PCBP2: variants seen among roughly 807,000 people sequenced by gnomAD.
PCBP2 encodes the protein poly(rC)-binding protein 2.
In PCBP2, 4 loss-of-function variants were observed where a neutral mutation model predicts 50.1. The ratio of observed to expected loss-of-function variants is 0.08; its 90% confidence interval spans 0.04 to 0.18. PCBP2 has a LOEUF of 0.18. Ranked by LOEUF, PCBP2 falls within the 10% of genes least tolerant of loss-of-function variation. The pLI is 1.00. For missense variants in PCBP2, 161 were observed against 474.3 expected, an observed-to-expected ratio of 0.34 and a Z score of 6.14; for synonymous variants, 179 against 168.0, an observed-to-expected ratio of 1.07 and a Z score of -0.51.
At chr12:53,464,971 A>T in intron 9 of PCBP2, 119 bp downstream of exon 9, 1 of 1,321,026 alleles carries the variant, frequency 7.6e-7, no homozygotes, top group Non-Finnish European at 9.8e-7. Flanking sequence ...CCACCTGTCC[A>T]CGGGGACCTG....
chr12:53,470,417 T>C (rs2264356), intron 13 of PCBP2, among the ~76,000 whole-genome samples: 144 of 150,258 alleles, frequency 9.6e-4, no homozygotes, highest in Middle Eastern at 6.8e-3. Context: ...AGTGGCTTTT[T>C]TTTTTGACAA....
chr12:53,468,936 TA>T, intron 13 of PCBP2, 104 bp downstream of exon 13: 3 of 852,404 alleles, frequency 3.5e-6, no homozygotes, highest in Middle Eastern at 3.4e-4. Flanking sequence ...TTTTTTTTTT[TA>T]AACAGCCCAG....
At chr12:53,472,217 T>C (rs1942293396) in intron 14 of PCBP2, among the ~76,000 whole-genome samples, 2 of 152,210 alleles carry the variant, frequency 1.3e-5, no homozygotes, top group African/African-American at 2.4e-5. Context: ...ATTGGAGTAA[T>C]AGGACAGCAA....
At chr12:53,465,017 G>C (rs750306371) in intron 9 of PCBP2, 165 bp downstream of exon 9, 5 of 795,094 alleles carry the variant, frequency 6.3e-6, no homozygotes, top group Non-Finnish European at 8.7e-6. Context: ...CCCAGGCCGC[G>C]TAGCCCACCA....
In PCBP2 at chr12:53,454,754, C is replaced by G; in HGVS notation, c.-47C>G. 1 of 1,557,030 alleles carries G rather than the reference C, an allele frequency of 6.4e-7. No individual in the cohort carries two copies. Among genetic ancestry groups the G allele is most frequent in the Non-Finnish European group, 8.9e-7 (1 of 1,128,490 alleles). On this transcript the variant is annotated 5_prime_UTR_variant, in exon 2 of 15. Transcript: ENST00000546463. ...TTGGCTTTCACCCCCAACCAGTGAC[C>G]AAAGACTTGACCACTCAAAGTCCAG...
At position 53,467,199 on chromosome 12, in the gene PCBP2, A is replaced by G. The variant is rs7980433; in HGVS notation, c.715-22A>G. The G allele has an allele frequency of 5.2e-4, 829 of 1,600,400 alleles. 4 individuals carry two copies. The African/African-American group carries it at 0.01, about 20-fold the overall frequency. On this transcript the variant is annotated intron_variant, in intron 10 of 14. Transcript: ENST00000546463. ...GGCTCTGTTAAATCTTCTAATGCCA[A>G]CCTCCTGTTTCCTCCTTGCAGTTGA...
intron 14 of PCBP2, chr12:53,475,539 G>T: frequency 2.5e-5 from 4 of 157,628 alleles, no homozygotes; most frequent in South Asian, 1.7e-4. Context: ...AATAAAAGCT[G>T]CTTCGTTAAC....
In PCBP2 at chr12:53,481,123, A is replaced by G. The variant is rs999862149; in HGVS notation, c.*1681A>G. On this transcript the variant is annotated 3_prime_UTR_variant, in exon 15 of 15. Coordinates refer to ENST00000546463, the MANE Select transcript of PCBP2 (RefSeq NM_031989.5). Reference sequence around the variant, plus strand: ...TTATGTGGCGCATATATATATATATATGTATATATATATAATTTATATAAA... The same window carrying G: ...TTATGTGGCGCATATATATATATATGTGTATATATATATAATTTATATAAA... 5 of 610,170 alleles carry G rather than the reference A, an allele frequency of 8.2e-6. No individual in the cohort carries two copies. Among genetic ancestry groups the G allele is most frequent in the African/African-American group, 4.0e-5 (2 of 50,114 alleles). 37.8% of individuals were successfully genotyped at this position (610,170 alleles called of 1,614,324 possible).
intron 6 of PCBP2, chr12:53,459,757 CT>C (rs959374134): frequency 1.9e-5 from 6 of 316,760 alleles, no homozygotes; most frequent in East Asian, 9.1e-5. Flanking sequence ...TAATTTTTAA[CT>C]TTTTTTCTTT....
chr12:53,461,874 A>AT lies in PCBP2; in HGVS notation c.505-611dup, dbSNP rs554230487. 8.6e-5 allele frequency among the ~76,000 whole-genome samples: 13 copies of AT among 151,836 alleles called. No individual in the cohort carries two copies. The East Asian group carries it at 1.4e-3, about 16-fold the overall frequency. ...AGGCATGCGCCACCACACCTGGCTA[A>AT]TTTTTTTTATTTTTTGTAGAGACGG... On this transcript the variant is annotated intron_variant, in intron 7 of 14. Coordinates refer to ENST00000546463, the MANE Select transcript of PCBP2 (RefSeq NM_031989.5).
chr12:53,455,728 C>A (rs1366661676), intron 4 of PCBP2, among the ~76,000 whole-genome samples, 157 bp from the exon 5 acceptor site: 1 of 151,884 alleles, frequency 6.6e-6, no homozygotes, highest in Non-Finnish European at 1.5e-5. Flanking sequence ...TGTAGGCTAT[C>A]TTTGAGGATA....
intron 2 of PCBP2, 75 bp downstream of exon 2, chr12:53,454,944 G>A (rs927856021): frequency 3.5e-5 from 42 of 1,209,174 alleles, no homozygotes; most frequent in Non-Finnish European, 4.9e-5. Context: ...ATGCATCTTG[G>A]AGCTCATCAG....
rs780172186 is a variant in PCBP2, at chr12:53,459,283, C to T, written c.255C>T (p.Ser85=). 4.3e-6 allele frequency: 7 copies of T among 1,611,108 alleles called. No homozygotes were observed. In the Admixed American group the frequency reaches 1.0e-4, roughly 23 times the overall value. The change falls in exon 6 of 15, where the codon AGC becomes AGT. Residue 85 remains serine, a synonymous_variant. Transcript: ENST00000546463. ...IIDKLEEDIS[S]SMTNSTAASR... ...CTTTCTTTCTGTAGGACATAAGCAG[C>T]TCTATGACCAATAGCACAGCTGCCA...
Position 53,479,671 on chromosome 12 carries a change from G to GGT in PCBP2, c.*229_*230insGT. The GGT allele has an allele frequency of 4.9e-6, 1 of 202,214 alleles. No individual in the cohort carries two copies. Among genetic ancestry groups the GGT allele is most frequent in the East Asian group, 8.5e-5 (1 of 11,742 alleles). 12.5% of individuals were successfully genotyped at this position (202,214 alleles called of 1,614,324 possible). A position where few individuals can be genotyped will look rare whatever the true frequency, so the allele number is the denominator to read the frequency against. ...ATTTAGTTTTATAAGCTTCTCCCTG[G>GGT]TTTTTTTTTTTTGGCTCATGAATTT... On this transcript the variant is annotated 3_prime_UTR_variant, in exon 15 of 15. Coordinates refer to ENST00000546463, the MANE Select transcript of PCBP2 (RefSeq NM_031989.5).
chr12:53,471,016 T>C (rs894436076), intron 13 of PCBP2, among the ~76,000 whole-genome samples: 8 of 152,126 alleles, frequency 5.3e-5, no homozygotes, highest in African/African-American at 1.9e-4. Context: ...GAGTATTATG[T>C]CTCTTGGACC....
At chr12:53,468,674 G>T in intron 12 of PCBP2, 103 bp from the exon 13 acceptor site, 1 of 878,086 alleles carries the variant, frequency 1.1e-6, no homozygotes, top group Non-Finnish European at 1.9e-6. Context: ...AACAGCTAAT[G>T]ATGCTGGGTT....
chr12:53,459,226 C>A (rs772125132), intron 5 of PCBP2, 46 bp from the exon 6 acceptor site: 3 of 1,524,628 alleles, frequency 2.0e-6, no homozygotes, highest in East Asian at 2.3e-5. Flanking sequence ...ATGGCAGTTA[C>A]TAGTTTCCAG....
chr12:53,479,377 C>CT lies in PCBP2; in HGVS notation c.1053-28dup, dbSNP rs1433694719. Reference sequence around the variant, plus strand: ...GAGGTGCAGCTGAGCACTGGGGAAACTAACTGAGTTCTTGTTTCTGTGTTA... The same window carrying CT: ...GAGGTGCAGCTGAGCACTGGGGAAACTTAACTGAGTTCTTGTTTCTGTGTTA... On this transcript the variant is annotated intron_variant, in intron 14 of 14. Coordinates refer to ENST00000546463, the MANE Select transcript of PCBP2 (RefSeq NM_031989.5). 4 of 1,611,506 alleles carry CT rather than the reference C, an allele frequency of 2.5e-6. No individual in the cohort carries two copies. In the Admixed American group the frequency reaches 6.7e-5, roughly 27 times the overall value.
Position 53,471,490 on chromosome 12 carries a change from A to G in PCBP2, c.883-148A>G, listed in dbSNP as rs1011290497. On this transcript the variant is annotated intron_variant, in intron 13 of 14. Coordinates refer to ENST00000546463, the MANE Select transcript of PCBP2 (RefSeq NM_031989.5). Reference sequence around the variant, plus strand: ...TGAGGCAGGTGAATTGCTCAAATCCAGGAGGCTGAGGTTGCACAGTGAGCC... The same window carrying G: ...TGAGGCAGGTGAATTGCTCAAATCCGGGAGGCTGAGGTTGCACAGTGAGCC... The G allele has an allele frequency of 4.6e-6, 3 of 657,528 alleles. No homozygotes were observed. The African/African-American group carries it at 6.6e-5, about 14-fold the overall frequency. The allele number at this position is 657,528 out of a possible 1,614,324, so 40.7% of individuals were successfully genotyped here. A position where few individuals can be genotyped will look rare whatever the true frequency, so the allele number is the denominator to read the frequency against.
Sources: gnomAD v4.1 joint callset for allele counts (sites outside exome capture counted in the v4.1 genomes callset) on GRCh38, gnomAD v4.1.1 for gene constraint, MANE v1.5 for transcripts, NCBI Gene and HGNC (gene_info 2026-07-23, HGNC 2026-07-21) for gene names.